The following CDH13 variants were observed in gnomAD, a reference collection of about 807,000 sequenced individuals.
The protein encoded by CDH13 is cadherin-13.
In CDH13, 24 loss-of-function variants were observed where a neutral mutation model predicts 63.8. That is an observed-to-expected ratio of 0.38 (90% CI 0.27 to 0.53). The LOEUF is 0.53. Ranked by LOEUF, CDH13 falls within the 20% of genes least tolerant of loss-of-function variation. CDH13 has a pLI of 0.85. For synonymous variants in CDH13, 503 were observed against 355.3 expected, an observed-to-expected ratio of 1.42 and a Z score of -4.67; for missense variants, 1,049 against 903.1, an observed-to-expected ratio of 1.16 and a Z score of -2.07.
intron 6 of CDH13, among the ~76,000 whole-genome samples, chr16:83,467,516 G>A (rs937645469): frequency 6.9e-6 from 1 of 144,770 alleles, no homozygotes; most frequent in African/African-American, 2.9e-5. Flanking sequence ...CCTAGAAAAC[G>A]TGTCTGTTTT....
chr16:83,664,554 G>GTGTA (rs146524653), intron 8 of CDH13, among the ~76,000 whole-genome samples: 1 of 147,998 alleles, frequency 6.8e-6, no homozygotes, highest in South Asian at 2.1e-4. Context: ...ATATATGTGT[G>GTGTA]TATATATATA....
chr16:83,508,743 C>G (rs533750761), intron 7 of CDH13, among the ~76,000 whole-genome samples: 2 of 152,282 alleles, frequency 1.3e-5, no homozygotes, highest in South Asian at 4.2e-4. Context: ...TTCTCTTTCT[C>G]CCTCACTTGT....
chr16:82,890,619 T>A (rs562232951), intron 2 of CDH13, among the ~76,000 whole-genome samples: 3 of 151,326 alleles, frequency 2.0e-5, no homozygotes, highest in East Asian at 3.9e-4. Flanking sequence ...ATAGTCTTCA[T>A]ACAAACTATA....
Position 83,347,532 on chromosome 16 carries a change from C to T in CDH13, c.781+2526C>T, listed in dbSNP as rs192205622. On this transcript the variant is annotated intron_variant, in intron 6 of 13. Transcript: ENST00000567109. ...AACACAGCCATCAGGTATCATAGCA[C>T]TGCGTCGAGTACTTACTGTGTGCCA... Among the ~76,000 whole-genome samples the T allele has an allele frequency of 1.9e-3, 290 of 152,312 alleles. 2 individuals carry two copies. Among genetic ancestry groups the T allele is most frequent in the African/African-American group, 3.6e-3 (150 of 41,564 alleles).
chr16:83,397,969 A>G (rs75997492), intron 6 of CDH13: 1 of 143,600 alleles, frequency 7.0e-6, no homozygotes, highest in Non-Finnish European at 1.5e-5. Context: ...CAATGCCTGC[A>G]CTGGTCTATT....
chr16:83,705,829 G>A (rs1296427459), intron 10 of CDH13, among the ~76,000 whole-genome samples: 1 of 152,126 alleles, frequency 6.6e-6, no homozygotes, highest in African/African-American at 2.4e-5. Context: ...GATCCCCAGG[G>A]TTCCTTCAAG....
chr16:82,717,629 G>A lies in CDH13; in HGVS notation c.45+90492G>A, dbSNP rs74315963. Among the ~76,000 whole-genome samples the A allele has an allele frequency of 9.4e-3, 1,431 of 152,116 alleles. 25 individuals carry two copies. The highest frequency in any genetic ancestry group is 0.033 in the African/African-American group (1,373 of 41,484). ...ACATCAGTCTAGTCCCTGGCTCCGT[G>A]GTCCCATGACCTTTTGTGTCCAATA... On this transcript the variant is annotated intron_variant, in intron 1 of 13. Transcript: ENST00000567109.
intron 3 of CDH13, among the ~76,000 whole-genome samples, chr16:83,080,889 T>G (rs1567810678): frequency 7.8e-6 from 1 of 128,572 alleles, no homozygotes; most frequent in Non-Finnish European, 1.6e-5. Flanking sequence ...TTTTTTTTTT[T>G]TTTTTTTTTG....
chr16:83,388,637 G>T (rs1303109250), intron 6 of CDH13, among the ~76,000 whole-genome samples: 5 of 152,108 alleles, frequency 3.3e-5, no homozygotes, highest in Non-Finnish European at 7.4e-5. Context: ...TCTCTGCATG[G>T]CCACTTTAGG....
chr16:83,097,888 G>A (rs1345782662), intron 3 of CDH13, among the ~76,000 whole-genome samples: 8 of 151,942 alleles, frequency 5.3e-5, no homozygotes, highest in African/African-American at 1.9e-4. Context: ...TATTTTATTT[G>A]TTCATTCCTT....
intron 5 of CDH13, among the ~76,000 whole-genome samples, chr16:83,284,742 T>A (rs1362292959): frequency 6.6e-6 from 1 of 152,076 alleles, no homozygotes. Flanking sequence ...TAAGTATGAT[T>A]AGTAATAAAT....
At chr16:82,938,600 A>G (rs1036823603) in intron 2 of CDH13, among the ~76,000 whole-genome samples, 2 of 152,230 alleles carry the variant, frequency 1.3e-5, no homozygotes, top group Admixed American at 1.3e-4. Flanking sequence ...GTGGGGACAC[A>G]TGAGATGACA....
At chr16:83,269,949 T>A (rs1055905986) in intron 5 of CDH13, among the ~76,000 whole-genome samples, 1 of 152,188 alleles carries the variant, frequency 6.6e-6, no homozygotes, top group Non-Finnish European at 1.5e-5. Flanking sequence ...ATTTACTGAG[T>A]CTTTTGAAAT....
At chr16:82,770,520 T>TA (rs1178599732) in intron 1 of CDH13, among the ~76,000 whole-genome samples, 5 of 152,204 alleles carry the variant, frequency 3.3e-5, no homozygotes, top group African/African-American at 1.2e-4. Context: ...CTATCCTGCT[T>TA]AAAAAATCAT....
intron 4 of CDH13, among the ~76,000 whole-genome samples, chr16:83,129,112 G>A (rs890453687): frequency 2.0e-5 from 3 of 151,964 alleles, no homozygotes; most frequent in African/African-American, 4.8e-5. Flanking sequence ...CACAGCTGAC[G>A]AGCTGTGCTC....
chr16:83,435,118 C>G (rs1254370839), intron 6 of CDH13, among the ~76,000 whole-genome samples: 1 of 151,754 alleles, frequency 6.6e-6, no homozygotes, highest in South Asian at 2.1e-4. Context: ...ACAATCTCGG[C>G]TTACTGCAAC....
At position 83,083,350 on chromosome 16, in the gene CDH13, T is replaced by A. The variant is rs1356802185; in HGVS notation, c.367-42035T>A. On this transcript the variant is annotated intron_variant, in intron 3 of 13. Coordinates refer to ENST00000567109, the MANE Select transcript of CDH13 (RefSeq NM_001257.5). Reference sequence around the variant, plus strand: ...CCGTACAGTATAAACAAGGCTGTGATGAAATTTGAAAGGAAGACAATAAGG... The same window carrying A: ...CCGTACAGTATAAACAAGGCTGTGAAGAAATTTGAAAGGAAGACAATAAGG... Among the ~76,000 whole-genome samples, 6 of 152,174 alleles carry A rather than the reference T, an allele frequency of 3.9e-5. No individual in the cohort carries two copies. In the East Asian group the frequency reaches 1.2e-3, roughly 29 times the overall value.
chr16:82,971,402 G>C (rs538912111), intron 2 of CDH13, among the ~76,000 whole-genome samples: 1 of 152,198 alleles, frequency 6.6e-6, no homozygotes, highest in African/African-American at 2.4e-5. Context: ...TGCAAGGTCT[G>C]TTCCTAGGAC....
At chr16:82,943,817 A>G (rs1397728786) in intron 2 of CDH13, among the ~76,000 whole-genome samples, 2 of 152,214 alleles carry the variant, frequency 1.3e-5, no homozygotes, top group Non-Finnish European at 2.9e-5. Flanking sequence ...ACAAAATGCT[A>G]TTAATAATGA....
Sources: gnomAD v4.1 joint callset for allele counts (sites outside exome capture counted in the v4.1 genomes callset) on GRCh38, gnomAD v4.1.1 for gene constraint, MANE v1.5 for transcripts, NCBI Gene and HGNC (gene_info 2026-07-23, HGNC 2026-07-21) for gene names.